The following PCDH7 variants were observed in gnomAD, a reference collection of about 807,000 sequenced individuals.
PCDH7 encodes the protein protocadherin-7.
In PCDH7, 17 loss-of-function variants were observed where a neutral mutation model predicts 58.9. That is an observed-to-expected ratio of 0.29 (90% CI 0.20 to 0.43). PCDH7 has a LOEUF of 0.43. Among genes scored for constraint, PCDH7 ranks in the 20% least tolerant of loss-of-function variants. The pLI is 1.00. For synonymous variants in PCDH7, 664 were observed against 616.4 expected (o/e 1.08, Z -1.14); for missense variants, 1,274 against 1,441.0 (o/e 0.88, Z 1.88).
intron 1 of PCDH7, among the ~76,000 whole-genome samples, chr4:30,890,810 C>A (rs151259397): frequency 6.6e-6 from 1 of 151,970 alleles, no homozygotes; most frequent in Non-Finnish European, 1.5e-5. Context: ...ATTTACCTAG[C>A]GTAGTAAATT....
At chr4:30,845,871 G>T (rs1356571715) in intron 1 of PCDH7, among the ~76,000 whole-genome samples, 9 of 152,094 alleles carry the variant, frequency 5.9e-5, no homozygotes, top group Non-Finnish European at 1.2e-4. Flanking sequence ...GGGATTACAG[G>T]TGTAAACCAC....
intron 1 of PCDH7, among the ~76,000 whole-genome samples, chr4:30,833,595 A>G (rs1730085323): frequency 1.3e-5 from 2 of 152,172 alleles, no homozygotes; most frequent in Non-Finnish European, 1.5e-5. Flanking sequence ...ATAACATAGT[A>G]TATTCATAGG....
At position 30,722,435 on chromosome 4, in the gene PCDH7, G is replaced by C. The variant is rs753437616; in HGVS notation, c.1013G>C (p.Gly338Ala). 58 of 1,612,316 alleles carry C rather than the reference G, an allele frequency of 3.6e-5. 1 individual carries two copies. In the South Asian group the frequency reaches 6.3e-4, roughly 17 times the overall value. Residue 338 changes from glycine to alanine, a missense_variant, in exon 1 of 2, where the codon GGG (glycine) becomes GCG (alanine). Gly to Ala is a moderately conservative substitution (Grantham distance 60). Transcript: ENST00000361762. The surrounding 1 kb of genome is among the most constrained non-coding windows in gnomAD (Gnocchi z 7.6). ...CTGCGCGCAGCCGACTTGGACGTGGGGGTCAACGGGCAGATCGAATACGTG... is the reference window on the plus strand; with the variant it reads ...CTGCGCGCAGCCGACTTGGACGTGGCGGTCAACGGGCAGATCGAATACGTG...
At chr4:30,797,990 C>A (rs1016450014) in intron 1 of PCDH7, among the ~76,000 whole-genome samples, 1 of 152,136 alleles carries the variant, frequency 6.6e-6, no homozygotes, top group Non-Finnish European at 1.5e-5. Context: ...GCTTCGCGTT[C>A]TTTTGTGTTA....
intron 3 of PCDH7, among the ~76,000 whole-genome samples, chr4:31,111,101 G>C (rs1263573202): frequency 1.3e-5 from 2 of 151,942 alleles, no homozygotes; most frequent in African/African-American, 4.8e-5. Flanking sequence ...GAGGGTATTA[G>C]TATATTTGTG....
chr4:31,001,389 A>G (rs942484114), intron 3 of PCDH7, among the ~76,000 whole-genome samples: 1 of 152,170 alleles, frequency 6.6e-6, no homozygotes, highest in Non-Finnish European at 1.5e-5. Context: ...TTATATATAC[A>G]TAAATAAGAT....
At chr4:30,855,352 A>G (rs1441075035) in intron 1 of PCDH7, among the ~76,000 whole-genome samples, 1 of 152,168 alleles carries the variant, frequency 6.6e-6, no homozygotes, top group African/African-American at 2.4e-5. Context: ...TTTCTAAGAC[A>G]TCAGTTGCTC....
chr4:30,869,939 G>C (rs978341943), intron 1 of PCDH7, among the ~76,000 whole-genome samples: 1 of 152,088 alleles, frequency 6.6e-6, no homozygotes, highest in African/African-American at 2.4e-5. Context: ...ATCCTCTCCA[G>C]CATATGTTGT....
chr4:30,982,967 G>A (rs897089174), intron 3 of PCDH7, among the ~76,000 whole-genome samples: 4 of 152,144 alleles, frequency 2.6e-5, no homozygotes, highest in African/African-American at 9.7e-5. Context: ...CTGCAGTTGG[G>A]ATCTGACAGA....
intron 3 of PCDH7, among the ~76,000 whole-genome samples, chr4:31,122,784 T>C (rs920721603): frequency 6.6e-6 from 1 of 151,964 alleles, no homozygotes; most frequent in African/African-American, 2.4e-5. Context: ...CGAAAATATA[T>C]AAAATAGCAA....
At chr4:30,881,156 A>G (rs1736919876) in intron 1 of PCDH7, among the ~76,000 whole-genome samples, 1 of 152,146 alleles carries the variant, frequency 6.6e-6, no homozygotes, top group East Asian at 1.9e-4. Flanking sequence ...AAATGGGGAA[A>G]CAAAATTGAT....
At chr4:30,889,337 A>C (rs2109381369) in intron 1 of PCDH7, among the ~76,000 whole-genome samples, 1 of 148,786 alleles carries the variant, frequency 6.7e-6, no homozygotes, top group African/African-American at 2.5e-5. Context: ...TTTTGTTACA[A>C]AAATAATAAT....
intron 2 of PCDH7, among the ~76,000 whole-genome samples, chr4:30,924,088 T>G (rs4305479): frequency 0.25 from 38,478 of 152,058 alleles, 5,089 homozygotes; most frequent in African/African-American, 0.33. Flanking sequence ...TCTCTTGGAG[T>G]GGTATACAAT....
At chr4:31,107,304 T>C (rs1715700431) in intron 3 of PCDH7, among the ~76,000 whole-genome samples, 1 of 152,176 alleles carries the variant, frequency 6.6e-6, no homozygotes, top group Non-Finnish European at 1.5e-5. Context: ...TTCTTTTTTC[T>C]TTCTATCTCA....
At chr4:30,793,542 AG>A (rs199519197) in intron 1 of PCDH7, among the ~76,000 whole-genome samples, 144 of 149,882 alleles carry the variant, frequency 9.6e-4, no homozygotes, top group African/African-American at 8.3e-4. Flanking sequence ...AATTAAAAAA[AG>A]AAAAAGAAAG....
intron 1 of PCDH7, among the ~76,000 whole-genome samples, chr4:30,780,213 A>G (rs1722598888): frequency 6.6e-6 from 1 of 152,136 alleles, no homozygotes; most frequent in South Asian, 2.1e-4. Context: ...TCTTTAAAAT[A>G]GTTGTTTTCT....
At chr4:30,868,825 A>C (rs1334600273) in intron 1 of PCDH7, among the ~76,000 whole-genome samples, 5 of 152,076 alleles carry the variant, frequency 3.3e-5, no homozygotes, top group Non-Finnish European at 5.9e-5. Flanking sequence ...ATGCTGACAG[A>C]TGTTTCTGTA....
chr4:30,726,406 G>A (rs1012232330), intron 1 of PCDH7, among the ~76,000 whole-genome samples: 2 of 151,990 alleles, frequency 1.3e-5, no homozygotes, highest in African/African-American at 4.8e-5. Flanking sequence ...GACATATCAA[G>A]TGACACTTTT....
At chr4:30,774,519 C>T (rs992489555) in intron 1 of PCDH7, among the ~76,000 whole-genome samples, 8 of 152,144 alleles carry the variant, frequency 5.3e-5, no homozygotes, top group African/African-American at 7.2e-5. Context: ...AGCAGATGTT[C>T]ATTGAGTGCC....
Sources: allele counts gnomAD v4.1 joint callset (sites outside exome capture counted in the v4.1 genomes callset), GRCh38; gene constraint gnomAD v4.1.1; non-coding constraint Gnocchi (gnomAD v3.1); transcripts MANE v1.5; gene names NCBI Gene and HGNC (gene_info 2026-07-23, HGNC 2026-07-21).